Variants in TRIO observed in about 807,000 individuals in gnomAD.
The protein encoded by TRIO is trio Rho guanine nucleotide exchange factor, also known as triple functional domain protein.
A neutral mutation model predicts 351.9 loss-of-function variants in TRIO; 58 were observed. The observed-to-expected ratio is 0.16, with a 90% CI of 0.13 to 0.21. TRIO has a LOEUF of 0.21. TRIO is among the 10% of genes least tolerant of loss of function. The pLI is 1.00. For missense variants in TRIO, 3,201 were observed against 4,027.8 expected, an observed-to-expected ratio of 0.79 and a Z score of 5.56; for synonymous variants, 1,758 against 1,595.7, an observed-to-expected ratio of 1.10 and a Z score of -2.42.
intron 14 of TRIO, 57 bp from the exon 15 acceptor site, chr5:14,364,593 G>A (rs1281003392): frequency 4.7e-5 from 73 of 1,547,962 alleles, no homozygotes; most frequent in Non-Finnish European, 5.5e-5. Context: ...TCCACCCTTT[G>A]AGAACAGAAG....
At position 14,497,255 on chromosome 5, in the gene TRIO, T is replaced by G. The variant is rs777659367; in HGVS notation, c.8019+238T>G. ...CTGCACACTTCCGCAGGTGCACATG[T>G]GGCTTCTAAAGAATATGGTTAGGTT... On this transcript the variant is annotated intron_variant, in intron 50 of 56. Coordinates refer to ENST00000344204, the MANE Select transcript of TRIO (RefSeq NM_007118.4). The surrounding 1 kb of genome is among the most constrained non-coding windows in gnomAD (Gnocchi z 4.4). Among the ~76,000 whole-genome samples the G allele has an allele frequency of 6.6e-6, 1 of 152,206 alleles. No individual in the cohort carries two copies. Among genetic ancestry groups the G allele is most frequent in the African/African-American group, 2.4e-5 (1 of 41,460 alleles).
chr5:14,163,423 T>C (rs1788591184), intron 1 of TRIO, among the ~76,000 whole-genome samples: 1 of 152,222 alleles, frequency 6.6e-6, no homozygotes, highest in African/African-American at 2.4e-5. Context: ...GGTTTCACCA[T>C]GTTGGCCAGG....
At chr5:14,352,679 C>T (rs946022919) in intron 11 of TRIO, among the ~76,000 whole-genome samples, 5 of 152,128 alleles carry the variant, frequency 3.3e-5, no homozygotes, top group African/African-American at 7.2e-5. Flanking sequence ...AGAAAAATTC[C>T]GAAGGGGCAA....
chr5:14,308,944 C>T (rs1738653322), intron 8 of TRIO, among the ~76,000 whole-genome samples: 1 of 152,026 alleles, frequency 6.6e-6, no homozygotes, highest in East Asian at 1.9e-4. Context: ...CCCAGTCACC[C>T]AACCACCTAT....
intron 11 of TRIO, among the ~76,000 whole-genome samples, chr5:14,344,064 C>T (rs1199858763): frequency 6.6e-6 from 1 of 152,214 alleles, no homozygotes; most frequent in African/African-American, 2.4e-5. Context: ...CTCTTTAGTG[C>T]ATTAAATTCT....
intron 11 of TRIO, among the ~76,000 whole-genome samples, chr5:14,355,416 C>G (rs1056259414): frequency 6.6e-6 from 1 of 152,208 alleles, no homozygotes; most frequent in Non-Finnish European, 1.5e-5. Context: ...GCTGTGTCCT[C>G]TTTCATCTGC....
At chr5:14,493,268 T>G (rs114773725) in intron 49 of TRIO, among the ~76,000 whole-genome samples, 1,840 of 149,750 alleles carry the variant, frequency 0.012, 19 homozygotes, top group Non-Finnish European at 0.02. Context: ...CACCTCAGGT[T>G]GTTTTGTGCT....
chr5:14,207,184 C>G (rs1325097109), intron 1 of TRIO, among the ~76,000 whole-genome samples: 1 of 151,796 alleles, frequency 6.6e-6, no homozygotes, highest in Non-Finnish European at 1.5e-5. Flanking sequence ...AATCCCAGCA[C>G]TTTGAGAGGC....
At chr5:14,489,544 G>A (rs1255474420) in intron 48 of TRIO, among the ~76,000 whole-genome samples, 1 of 152,228 alleles carries the variant, frequency 6.6e-6, no homozygotes. Flanking sequence ...CAGTATCCAG[G>A]TGTGGCCTTA....
At chr5:14,299,959 C>A (rs1737711727) in intron 7 of TRIO, among the ~76,000 whole-genome samples, 1 of 152,254 alleles carries the variant, frequency 6.6e-6, no homozygotes. Flanking sequence ...ATAAACATAA[C>A]TCTGAAGTTA....
chr5:14,506,171 G>A (rs1757666888), intron 55 of TRIO, among the ~76,000 whole-genome samples: 1 of 152,208 alleles, frequency 6.6e-6, no homozygotes, highest in Non-Finnish European at 1.5e-5. Context: ...ACAAAACTGT[G>A]GCTTGAGTGC....
chr5:14,356,962 G>A (rs1452115178), intron 11 of TRIO, among the ~76,000 whole-genome samples: 1 of 152,260 alleles, frequency 6.6e-6, no homozygotes, highest in Non-Finnish European at 1.5e-5. Flanking sequence ...TGAGTGCCAG[G>A]GAGGGAGCAT....
At chr5:14,469,579 T>C (rs2126541646) in intron 37 of TRIO, among the ~76,000 whole-genome samples, 1 of 152,382 alleles carries the variant, frequency 6.6e-6, no homozygotes, top group Non-Finnish European at 1.5e-5. Context: ...GAAGTCCCAG[T>C]GGCTGCAGTT....
intron 11 of TRIO, among the ~76,000 whole-genome samples, chr5:14,340,127 A>G (rs1741805828): frequency 6.6e-6 from 1 of 152,154 alleles, no homozygotes; most frequent in Non-Finnish European, 1.5e-5. Context: ...GGGCGTGGTG[A>G]TTCACGCCTG....
rs1436985009 is a variant in TRIO at position 14,508,326 on chromosome 5, G to C, written c.9198G>C (p.Leu3066=). The stretch of plus-strand genomic sequence containing the variant: ...CGGGCGTCCTCGACACGTCCAGACT[G>C]ACTTCCTTCATTGAGCGGCGCAAAC... ...RSTGVLDTSR[L]TSFIERRKHQ... The change falls in exon 57 of 57, where the codon CTG becomes CTC. Residue 3066 remains leucine (L), a synonymous_variant. Coordinates refer to ENST00000344204, the MANE Select transcript of TRIO (RefSeq NM_007118.4). 1.2e-6 allele frequency: 2 copies of C among 1,614,018 alleles called. No individual in the cohort carries two copies. Among genetic ancestry groups the C allele is most frequent in the Non-Finnish European group, 1.7e-6 (2 of 1,180,044 alleles).
At chr5:14,492,479 A>G in intron 48 of TRIO, 88 bp from the exon 49 acceptor site, 3 of 1,549,284 alleles carry the variant, frequency 1.9e-6, no homozygotes, top group Non-Finnish European at 2.6e-6. Context: ...TCATGGTGCC[A>G]TGGGGCACAC....
intron 31 of TRIO, among the ~76,000 whole-genome samples, chr5:14,403,808 G>A (rs1748437994): frequency 9.5e-6 from 1 of 105,268 alleles, no homozygotes; most frequent in Admixed American, 9.3e-5. Flanking sequence ...GGTGGTGAGG[G>A]TGCAGGTTGT....
At chr5:14,422,437 C>T (rs1750247078) in intron 34 of TRIO, among the ~76,000 whole-genome samples, 1 of 152,226 alleles carries the variant, frequency 6.6e-6, no homozygotes, top group African/African-American at 2.4e-5. Flanking sequence ...CCTGATCCAA[C>T]TTTCACATTT....
intron 34 of TRIO, 113 bp from the exon 35 acceptor site, chr5:14,460,906 T>C (rs561711554): frequency 1.6e-6 from 2 of 1,290,156 alleles, no homozygotes; most frequent in South Asian, 3.4e-5. Flanking sequence ...CAAAGCCCGC[T>C]GACGAGGCAT....
Sources: gnomAD v4.1 joint callset for allele counts (sites outside exome capture counted in the v4.1 genomes callset) on GRCh38, gnomAD v4.1.1 for gene constraint, Gnocchi (gnomAD v3.1) non-coding constraint, MANE v1.5 for transcripts, NCBI Gene and HGNC (gene_info 2026-07-23, HGNC 2026-07-21) for gene names.